NAALADL1: variants seen among roughly 807,000 people sequenced by gnomAD.
NAALADL1 encodes N-acetylated alpha-linked acidic dipeptidase like 1, also known as aminopeptidase NAALADL1.
Under a neutral mutation model 82.8 loss-of-function variants are expected in NAALADL1, and 77 were observed. The observed-to-expected ratio is 0.93, with a 90% CI of 0.77 to 1.12. The LOEUF is 1.12. Among genes scored for constraint, NAALADL1 ranks in the 50% most tolerant of loss-of-function variants. The pLI is 0.00. For synonymous variants in NAALADL1, 358 were observed against 399.2 expected (o/e 0.90, Z 1.23); for missense variants, 956 against 964.0 (o/e 0.99, Z 0.11).
chr11:65,047,499 C>CT lies in NAALADL1; in HGVS notation c.1574_1575insA (p.Met525IlefsTer8). The CT allele has an allele frequency of 6.4e-7, 1 of 1,567,682 alleles. No individual in the cohort carries two copies. Among genetic ancestry groups the CT allele is most frequent in the Non-Finnish European group, 8.7e-7 (1 of 1,156,018 alleles). ...CCCGGTCATAGGTATAGGCAATGTC[C>CT]ATGGAGGAGATGCCCAGGAAGTGAA... On this transcript the variant is annotated frameshift_variant, in exon 13 of 18. Transcript: ENST00000358658. LOFTEE classifies it high-confidence loss of function.
Position 65,046,099 on chromosome 11 carries a change from G to T in NAALADL1, c.1871C>A (p.Ala624Glu). ...HSISLGPLVT[A>E]VEKFEAEAAA... Reference sequence around the variant, plus strand: ...AGCTTCTGCCTCAAACTTCTCCACTGCAGTCACCAGAGGCCCTGTGAGGAA... The same window carrying T: ...AGCTTCTGCCTCAAACTTCTCCACTTCAGTCACCAGAGGCCCTGTGAGGAA... Residue 624 changes from alanine (A) to glutamate (E), a missense_variant, in exon 16 of 18, where the codon GCA becomes GAA. Coordinates refer to ENST00000358658, the MANE Select transcript of NAALADL1 (RefSeq NM_005468.3). 1 of 1,614,130 alleles carries T rather than the reference G, an allele frequency of 6.2e-7. No individual in the cohort carries two copies. The highest frequency in any genetic ancestry group is 1.1e-5 in the South Asian group (1 of 91,084).
rs1288139758 is a variant in NAALADL1, at chr11:65,050,720, G to T, written c.1199-2335C>A. The stretch of plus-strand genomic sequence containing the variant: ...CAGGAGAATGGCTTGAACCTGGAGG[G>T]CAGAGGTTGCAGTGAGCCAGATTGC... On this transcript the variant is annotated intron_variant, in intron 8 of 17. Transcript: ENST00000358658. Among the ~76,000 whole-genome samples the T allele has an allele frequency of 2.0e-5, 3 of 151,988 alleles. No individual in the cohort carries two copies. In the East Asian group the frequency reaches 5.8e-4, roughly 29 times the overall value.
upstream of NAALADL1, among the ~76,000 whole-genome samples, chr11:65,060,941 C>T (rs76660523): frequency 0.058 from 8,889 of 152,100 alleles, 345 homozygotes; most frequent in African/African-American, 0.092. Flanking sequence ...TGGCTCCCTC[C>T]CCACTCTCCA....
At chr11:65,052,969 C>T (rs1946928430) in intron 8 of NAALADL1, among the ~76,000 whole-genome samples, 1 of 152,270 alleles carries the variant, frequency 6.6e-6, no homozygotes, top group Non-Finnish European at 1.5e-5. Context: ...CTGCCTGCTT[C>T]ACAGCAGCAT....
Position 65,058,409 on chromosome 11 carries a change from TG to T in NAALADL1, c.112del (p.Gln38ArgfsTer100). 1 of 1,614,108 alleles carries T rather than the reference TG, an allele frequency of 6.2e-7. No homozygotes were observed. Among genetic ancestry groups the T allele is most frequent in the Non-Finnish European group, 8.5e-7 (1 of 1,179,988 alleles). On this transcript the variant is annotated frameshift_variant, in exon 1 of 18. Coordinates refer to ENST00000358658, the MANE Select transcript of NAALADL1 (RefSeq NM_005468.3). LOFTEE classifies it high-confidence loss of function. The part of the protein sequence containing the change: ...IPKKANSLAP[Q>X]DLDLEILETV... ...CTCCAGGATCTCCAGGTCCAGGTCC[TG>T]GGGGGCCAGTGAGTTGGCTTTTTTG...
rs1179357884 is a variant in NAALADL1 at position 65,058,429 on chromosome 11, T to A, written c.93A>T (p.Lys31Asn). 1 of 1,614,012 alleles carries A rather than the reference T, an allele frequency of 6.2e-7. No individual in the cohort carries two copies. Among genetic ancestry groups the A allele is most frequent in the Non-Finnish European group, 8.5e-7 (1 of 1,179,938 alleles). The change falls in exon 1 of 18, where the codon AAA becomes AAT. Residue 31 changes from lysine to asparagine, a missense_variant. Transcript: ENST00000358658. The stretch of plus-strand genomic sequence containing the variant: ...GGTCCTGGGGGGCCAGTGAGTTGGC[T>A]TTTTTGGGGATGGCAAAGTGGCCGA... ...IILGHFAIPKKANSLAPQDLD... is the reference protein window; with the variant it reads ...IILGHFAIPKNANSLAPQDLD...
At position 65,053,214 on chromosome 11, in the gene NAALADL1, T is replaced by A; in HGVS notation, c.1198+4A>T. On this transcript the variant is annotated splice_donor_region_variant and intron_variant, in intron 8 of 17. Coordinates refer to ENST00000358658, the MANE Select transcript of NAALADL1 (RefSeq NM_005468.3). The surrounding 1 kb of genome is among the most constrained non-coding windows in gnomAD (Gnocchi z 4.3). Reference sequence around the variant, plus strand: ...CCCTGGTCCAGGGGAGGGGGCCGCCTCACCCTTCTTCAGCAGGGTCCCCAG... The same window carrying A: ...CCCTGGTCCAGGGGAGGGGGCCGCCACACCCTTCTTCAGCAGGGTCCCCAG... 1.3e-6 allele frequency: 2 copies of A among 1,537,748 alleles called. No homozygotes were observed. The highest frequency in any genetic ancestry group is 1.8e-6 in the Non-Finnish European group (2 of 1,140,544).
chr11:65,047,666 C>A lies in NAALADL1; in HGVS notation c.1489G>T (p.Val497Leu). 1 of 1,606,748 alleles carries A rather than the reference C, an allele frequency of 6.2e-7. No individual in the cohort carries two copies. The highest frequency in any genetic ancestry group is 1.1e-5 in the South Asian group (1 of 88,916). ...GCTTACCTGGGGACCAGGCCGTACA[C>A]CGGGCTGCTGCGGTTGAAGTACCGG... ...WIRYFNRSSP[V>L]YGLVPSLGSL... The change falls in exon 12 of 18, where the codon GTG becomes TTG. Residue 497 changes from valine (V) to leucine (L), a missense_variant. Physicochemically the swap from Val to Leu is conservative, Grantham distance 32. Coordinates refer to ENST00000358658, the MANE Select transcript of NAALADL1 (RefSeq NM_005468.3).
At position 65,057,483 on chromosome 11, in the gene NAALADL1, A is replaced by G; in HGVS notation, c.491T>C (p.Val164Ala). 6.2e-7 allele frequency: 1 copy of G among 1,613,556 alleles called. No homozygotes were observed. The highest frequency in any genetic ancestry group is 1.1e-5 in the South Asian group (1 of 91,004). Reference sequence around the variant, plus strand: ...TTCTTCCGCGCCCCGGTTGGCATAGACGAGGAGGCCCTAGTCCCAAGAGGG... The same window carrying G: ...TTCTTCCGCGCCCCGGTTGGCATAGGCGAGGAGGCCCTAGTCCCAAGAGGG... ...APSGTPQGLL[V>A]YANRGAEEDF... The change falls in exon 4 of 18, where the codon GTC (valine) becomes GCC (alanine). Residue 164 changes from valine (V) to alanine (A), a missense_variant. Coordinates refer to ENST00000358658, the MANE Select transcript of NAALADL1 (RefSeq NM_005468.3).
chr11:65,050,936 C>T (rs1021395527), intron 8 of NAALADL1, among the ~76,000 whole-genome samples: 4 of 152,146 alleles, frequency 2.6e-5, no homozygotes, highest in African/African-American at 7.2e-5. Context: ...AAGCGATCCT[C>T]CTGCCTCTGC....
At chr11:65,045,760 G>A (rs1458692423) in intron 17 of NAALADL1, 62 bp downstream of exon 17, 29 of 1,497,826 alleles carry the variant, frequency 1.9e-5, no homozygotes, top group Non-Finnish European at 2.7e-5. Context: ...CCTCGTCTCA[G>A]GTGGGGAGCC....
rs1395428998 is a variant in NAALADL1 at position 65,053,464 on chromosome 11, G to T, written c.1078+27C>A. 3 of 1,612,366 alleles carry T rather than the reference G, an allele frequency of 1.9e-6. No homozygotes were observed. The East Asian group carries it at 6.7e-5, about 36-fold the overall frequency. On this transcript the variant is annotated intron_variant, in intron 7 of 17. Coordinates refer to ENST00000358658, the MANE Select transcript of NAALADL1 (RefSeq NM_005468.3). The surrounding 1 kb of genome is among the most constrained non-coding windows in gnomAD (Gnocchi z 4.3). ...CATCCAGAGCAGAGCAGGGGCCTGGGGTGCAGGCAGCAAGAGGAGGGCTCA... is the reference window on the plus strand; with the variant it reads ...CATCCAGAGCAGAGCAGGGGCCTGGTGTGCAGGCAGCAAGAGGAGGGCTCA...
At position 65,054,203 on chromosome 11, in the gene NAALADL1, T is replaced by C. The variant is rs781668253; in HGVS notation, c.992+47A>G. 3.3e-5 allele frequency: 49 copies of C among 1,503,242 alleles called. No individual in the cohort carries two copies. The highest frequency in any genetic ancestry group is 1.8e-4 in the Admixed American group (10 of 56,830). The allele number at this position is 1,503,242 out of a possible 1,614,324, so 93.1% of individuals were successfully genotyped here. On this transcript the variant is annotated intron_variant, in intron 6 of 17. Coordinates refer to ENST00000358658, the MANE Select transcript of NAALADL1 (RefSeq NM_005468.3). This position sits in a 1 kb window ranked among gnomAD's most constrained non-coding sequence, Gnocchi z 4.3. ...ATCACAAGGGAAGGGGAGAGGCGAGTTGGGGGAGAGGGCAACTGAGGGAGA... is the reference window on the plus strand; with the variant it reads ...ATCACAAGGGAAGGGGAGAGGCGAGCTGGGGGAGAGGGCAACTGAGGGAGA...
chr11:65,049,303 G>C (rs1590760788), intron 8 of NAALADL1, among the ~76,000 whole-genome samples: 2 of 152,136 alleles, frequency 1.3e-5, no homozygotes, highest in East Asian at 3.9e-4. Flanking sequence ...TTACAGGTGT[G>C]AGCCACCGCA....
chr11:65,054,215 G>A lies in NAALADL1; in HGVS notation c.992+35C>T. On this transcript the variant is annotated intron_variant, in intron 6 of 17. Transcript: ENST00000358658. The surrounding 1 kb of genome is among the most constrained non-coding windows in gnomAD (Gnocchi z 4.3). ...GGGGAGAGGCGAGTTGGGGGAGAGGGCAACTGAGGGAGACCTGGTCTGGCT... is the reference window on the plus strand; with the variant it reads ...GGGGAGAGGCGAGTTGGGGGAGAGGACAACTGAGGGAGACCTGGTCTGGCT... The A allele has an allele frequency of 1.3e-6, 2 of 1,569,284 alleles. No homozygotes were observed. Among genetic ancestry groups the A allele is most frequent in the Non-Finnish European group, 1.7e-6 (2 of 1,144,572 alleles).
In NAALADL1 at chr11:65,047,702, C is replaced by T. The variant is rs374576057; in HGVS notation, c.1453G>A (p.Asp485Asn). 2.5e-6 allele frequency: 4 copies of T among 1,607,880 alleles called. No homozygotes were observed. The highest frequency in any genetic ancestry group is 2.7e-5 in the African/African-American group (2 of 74,856). ...SPGPGDLSIY[D>N]NWIRYFNRSS... ...CGGTTGAAGTACCGGATCCAGTTGT[C>T]GTAGATGCTCAGGTCGCCAGGGCCT... Residue 485 changes from aspartate to asparagine, a missense_variant, in exon 12 of 18, where the codon GAC (aspartate) becomes AAC (asparagine). Coordinates refer to ENST00000358658, the MANE Select transcript of NAALADL1 (RefSeq NM_005468.3).
In NAALADL1 at chr11:65,046,427, C is replaced by T; in HGVS notation, c.1681+18G>A. Reference sequence around the variant, plus strand: ...TCTCCTGTCCTGGTCTCAGGATGCCCCTTGTCTCCCTCCTCACCCGGGTCC... The same window carrying T: ...TCTCCTGTCCTGGTCTCAGGATGCCTCTTGTCTCCCTCCTCACCCGGGTCC... On this transcript the variant is annotated intron_variant, in intron 14 of 17. Transcript: ENST00000358658. The T allele has an allele frequency of 6.2e-7, 1 of 1,614,196 alleles. No individual in the cohort carries two copies. Among genetic ancestry groups the T allele is most frequent in the Non-Finnish European group, 8.5e-7 (1 of 1,180,034 alleles).
chr11:65,057,236 CT>C, intron 4 of NAALADL1, 134 bp downstream of exon 4: 1 of 1,364,952 alleles, frequency 7.3e-7, no homozygotes, highest in Non-Finnish European at 9.8e-7. Flanking sequence ...AACACCTTGC[CT>C]TTCCTGCCCC....
rs752417190 is a variant in NAALADL1 at position 65,053,627 on chromosome 11, C to A, written c.993-51G>T. 1.3e-6 allele frequency: 2 copies of A among 1,486,768 alleles called. No individual in the cohort carries two copies. Among genetic ancestry groups the A allele is most frequent in the Non-Finnish European group, 1.8e-6 (2 of 1,097,344 alleles). The allele number at this position is 1,486,768 out of a possible 1,614,324, so 92.1% of individuals were successfully genotyped here. ...GACTCTTGGCCTTGCCCACTGCCCC[C>A]GACCCAGTGCAGGAGACACTGAGGC... On this transcript the variant is annotated intron_variant, in intron 6 of 17. Coordinates refer to ENST00000358658, the MANE Select transcript of NAALADL1 (RefSeq NM_005468.3). This position sits in a 1 kb window ranked among gnomAD's most constrained non-coding sequence, Gnocchi z 4.3.
Sources: gnomAD v4.1 joint callset for allele counts (sites outside exome capture counted in the v4.1 genomes callset) on GRCh38, gnomAD v4.1.1 for gene constraint, Gnocchi (gnomAD v3.1) non-coding constraint, MANE v1.5 for transcripts, NCBI Gene and HGNC (gene_info 2026-07-23, HGNC 2026-07-21) for gene names.